SEC16B: variants seen among roughly 807,000 people sequenced by gnomAD.
SEC16B encodes the protein protein transport protein Sec16B.
Under a neutral mutation model 141.8 loss-of-function variants are expected in SEC16B, and 115 were observed. The observed-to-expected ratio is 0.81, with a 90% CI of 0.70 to 0.95. SEC16B has a LOEUF of 0.95. Ranked by LOEUF, SEC16B falls within the 40% of genes least tolerant of loss-of-function variation. SEC16B has a pLI of 0.00. For synonymous variants in SEC16B, 493 were observed against 492.5 expected (o/e 1.00, Z -0.01); for missense variants, 1,291 against 1,312.3 (o/e 0.98, Z 0.25).
At chr1:177,964,571 T>C (rs930701232) in intron 4 of SEC16B, among the ~76,000 whole-genome samples, 8 of 152,180 alleles carry the variant, frequency 5.3e-5, no homozygotes, top group African/African-American at 1.9e-4. Context: ...GTGTTTAGGT[T>C]GGTGAATTCC....
chr1:177,938,941 C>T (rs542567869), intron 18 of SEC16B, among the ~76,000 whole-genome samples: 1 of 152,338 alleles, frequency 6.6e-6, no homozygotes, highest in East Asian at 1.9e-4. Context: ...GTGGCCAACC[C>T]GCCTGCTCCA....
intron 1 of SEC16B, among the ~76,000 whole-genome samples, chr1:177,975,794 A>G (rs1283965000): frequency 6.6e-6 from 1 of 152,200 alleles, no homozygotes; most frequent in East Asian, 1.9e-4. Context: ...CTTGACTCCA[A>G]CTAAGCTACC....
At chr1:177,962,131 T>G (rs1232626799) in intron 5 of SEC16B, among the ~76,000 whole-genome samples, 1 of 152,064 alleles carries the variant, frequency 6.6e-6, no homozygotes, top group Non-Finnish European at 1.5e-5. Flanking sequence ...TGGAGTGCAG[T>G]GGCATGATCT....
chr1:177,938,206 A>G (rs1221249488), intron 18 of SEC16B, among the ~76,000 whole-genome samples: 1 of 152,224 alleles, frequency 6.6e-6, no homozygotes, highest in East Asian at 1.9e-4. Flanking sequence ...CAAGACTGAT[A>G]TCAGTAACTT....
chr1:177,941,762 C>A, intron 16 of SEC16B, 138 bp downstream of exon 16: 1 of 913,496 alleles, frequency 1.1e-6, no homozygotes, highest in Non-Finnish European at 1.7e-6. Flanking sequence ...GGCATGCATA[C>A]ATGGTCAAAG....
At chr1:177,965,647 A>G (rs1400333936) in intron 3 of SEC16B, among the ~76,000 whole-genome samples, 1 of 152,216 alleles carries the variant, frequency 6.6e-6, no homozygotes, top group Non-Finnish European at 1.5e-5. Context: ...GAGAAAAAAC[A>G]TGGATGAAGT....
rs375694497 is a variant in SEC16B at position 177,929,835 on chromosome 1, G to A, written c.*23C>T. On this transcript the variant is annotated 3_prime_UTR_variant, in exon 26 of 26. Coordinates refer to ENST00000308284, the MANE Select transcript of SEC16B (RefSeq NM_033127.4). ...CAAGAAAGTTTCAGTCCTGGGAGATGAGCCTGGGACGTGTGTTTATTCTCA... is the reference window on the plus strand; with the variant it reads ...CAAGAAAGTTTCAGTCCTGGGAGATAAGCCTGGGACGTGTGTTTATTCTCA... 34 of 1,612,724 alleles carry A rather than the reference G, an allele frequency of 2.1e-5. No homozygotes were observed. The highest frequency in any genetic ancestry group is 4.0e-5 in the African/African-American group (3 of 74,916).
chr1:177,972,546 T>TC (rs1654002477), upstream of SEC16B, among the ~76,000 whole-genome samples: 1 of 152,208 alleles, frequency 6.6e-6, no homozygotes, highest in Admixed American at 6.5e-5. Context: ...CACATCATCC[T>TC]GCCCCAAGTG....
At chr1:177,964,353 G>T in intron 4 of SEC16B, 74 bp from the exon 5 acceptor site, 2 of 1,068,006 alleles carry the variant, frequency 1.9e-6, no homozygotes, top group Non-Finnish European at 2.8e-6. Context: ...TCCGCCGGAA[G>T]CTGACCTGCT....
chr1:177,967,921 T>C lies in SEC16B; in HGVS notation c.61A>G (p.Lys21Glu), dbSNP rs558715405. 381 of 1,613,946 alleles carry C rather than the reference T, an allele frequency of 2.4e-4. 5 individuals carry two copies. The South Asian group carries it at 4.0e-3, about 17-fold the overall frequency. The change falls in exon 2 of 26, where the codon AAG (lysine) becomes GAG (glutamate). Residue 21 changes from lysine (K) to glutamate (E), a missense_variant. Transcript: ENST00000308284. ...CTCCGAAACCCTCGGTCTGGATCCT[T>C]TGAGGGTGCTGTGGCCTTCCCTCGT... Reference protein sequence around the residue: ...QTRGKATAPSKDPDRGFRRDG... With the variant: ...QTRGKATAPSEDPDRGFRRDG...
intron 14 of SEC16B, chr1:177,945,692 GCTTCA>G (rs1272590488): frequency 6.6e-6 from 1 of 152,284 alleles, no homozygotes; most frequent in African/African-American, 2.4e-5. Context: ...TAAAATCTTT[GCTTCA>G]CTTCACTTCT....
intron 14 of SEC16B, 62 bp downstream of exon 14, chr1:177,946,358 C>A (rs1394827176): frequency 8.1e-7 from 1 of 1,231,770 alleles, no homozygotes; most frequent in African/African-American, 1.5e-5. Context: ...TAAAACCCAA[C>A]AAGGGCTAAA....
In SEC16B at chr1:177,936,325, A is replaced by G. The variant is rs907059336; in HGVS notation, c.2544T>C (p.Asp848=). ...GTGGTTTGGAAATGACCTCTTGGCCATCAGGAGGCTGGGAAGTTTCTTGAG... is the reference window on the plus strand; with the variant it reads ...GTGGTTTGGAAATGACCTCTTGGCCGTCAGGAGGCTGGGAAGTTTCTTGAG... ...TVSQETSQPP[D]GQEVISKPQT... The change falls in exon 20 of 26, where the codon GAT becomes GAC. Residue 848 remains aspartate, a synonymous_variant. Coordinates refer to ENST00000308284, the MANE Select transcript of SEC16B (RefSeq NM_033127.4). The G allele has an allele frequency of 6.2e-7, 1 of 1,611,264 alleles. No individual in the cohort carries two copies. Among genetic ancestry groups the G allele is most frequent in the South Asian group, 1.1e-5 (1 of 89,938 alleles).
At chr1:177,959,054 G>A (rs1458441140) in intron 8 of SEC16B, 79 bp from the exon 9 acceptor site, 1 of 1,461,674 alleles carries the variant, frequency 6.8e-7, no homozygotes, top group Non-Finnish European at 9.4e-7. Context: ...CCTCCTAAGT[G>A]TGCAAGTGCT....
intron 4 of SEC16B, 36 bp downstream of exon 4, chr1:177,965,011 A>T: frequency 6.2e-7 from 1 of 1,608,936 alleles, no homozygotes; most frequent in African/African-American, 1.3e-5. Flanking sequence ...GAGTTTGACA[A>T]CATCATGTCA....
rs1482374489 is a variant in SEC16B at position 177,932,558 on chromosome 1, C to T, written c.2944G>A (p.Gly982Ser). ...AFSRGRGGGE[G>S]RGSASSGGAA... Reference sequence around the variant, plus strand: ...CCCCCGCTGGATGCGGATCCTCGGCCTTCACCCCCACCTGGAAAGTAATGA... The same window carrying T: ...CCCCCGCTGGATGCGGATCCTCGGCTTTCACCCCCACCTGGAAAGTAATGA... Residue 982 changes from glycine to serine, a missense_variant, in exon 24 of 26, where the codon GGC becomes AGC. Around this residue, in one of 3 missense-constraint regions of SEC16B, gnomAD observed 605 missense variants for 614.1 expected, o/e 0.99. Coordinates refer to ENST00000308284, the MANE Select transcript of SEC16B (RefSeq NM_033127.4). 1.9e-6 allele frequency: 3 copies of T among 1,559,718 alleles called. No homozygotes were observed.
rs1653662671 is a variant in SEC16B at position 177,967,793 on chromosome 1, C to T, written c.189G>A (p.Arg63=). 6.2e-7 allele frequency: 1 copy of T among 1,613,896 alleles called. No homozygotes were observed. Among genetic ancestry groups the T allele is most frequent in the South Asian group, 1.1e-5 (1 of 91,084 alleles). ...AATGGGGCTGCTGCTGATGGTCTGC[C>T]CTGGGCTCCTGCTGTGGCTGGGGGC... ...RGSPQPQQEP[R]ADHQQQPHYA... The change falls in exon 2 of 26, where the codon AGG becomes AGA. Residue 63 remains arginine, a synonymous_variant. Transcript: ENST00000308284.
chr1:177,956,512 TA>T (rs1652612322), intron 10 of SEC16B, among the ~76,000 whole-genome samples: 1 of 152,140 alleles, frequency 6.6e-6, no homozygotes, highest in Non-Finnish European at 1.5e-5. Context: ...ACTGGGTGAC[TA>T]GGGGGTGGGA....
At chr1:177,945,564 G>T (rs1651629291) in intron 14 of SEC16B, 1 of 152,168 alleles carries the variant, frequency 6.6e-6, no homozygotes, top group Admixed American at 6.5e-5. Context: ...AGTTAAAAGG[G>T]CTTTGCAGGC....
Sources: allele counts gnomAD v4.1 joint callset (sites outside exome capture counted in the v4.1 genomes callset), GRCh38; gene constraint gnomAD v4.1.1; regional missense constraint gnomAD v4.1.1; transcripts MANE v1.5; gene names NCBI Gene and HGNC (gene_info 2026-07-23, HGNC 2026-07-21).